NCLN: variants seen among roughly 807,000 people sequenced by gnomAD.
The protein encoded by NCLN is BOS complex subunit NCLN.
A neutral mutation model predicts 69.5 loss-of-function variants in NCLN; 34 were observed. The observed-to-expected ratio is 0.49, with a 90% CI of 0.37 to 0.65. The LOEUF is 0.65. Among genes scored for constraint, NCLN ranks in the 30% least tolerant of loss-of-function variants. The pLI is 0.00. For missense variants in NCLN, 710 were observed against 804.8 expected, an observed-to-expected ratio of 0.88 and a Z score of 1.42; for synonymous variants, 393 against 358.3, an observed-to-expected ratio of 1.10 and a Z score of -1.09.
intron 4 of NCLN, among the ~76,000 whole-genome samples, chr19:3,196,739 C>G (rs1360702327): frequency 6.6e-6 from 1 of 152,212 alleles, no homozygotes; most frequent in Non-Finnish European, 1.5e-5. Context: ...GCTGCCGGTG[C>G]GGAAGTAGCC....
intron 1 of NCLN, among the ~76,000 whole-genome samples, chr19:3,189,064 C>T (rs989308852): frequency 2.0e-5 from 3 of 152,252 alleles, no homozygotes; most frequent in African/African-American, 4.8e-5. Context: ...TCCCAACTTC[C>T]TTCCTGCTGC....
At chr19:3,192,418 C>A (rs1915848853) in intron 1 of NCLN, 52 bp from the exon 2 acceptor site, 15 of 1,466,548 alleles carry the variant, frequency 1.0e-5, no homozygotes, top group Non-Finnish European at 1.4e-5. Flanking sequence ...CTGTCCCCTC[C>A]CGTCGGCCTG....
At chr19:3,202,752 T>C (rs544280698) in intron 6 of NCLN, among the ~76,000 whole-genome samples, 3 of 50,062 alleles carry the variant, frequency 6.0e-5, no homozygotes, top group South Asian at 1.4e-3. Context: ...CCAAAACTTG[T>C]TTTTTTTTTT....
intron 10 of NCLN, 58 bp from the exon 11 acceptor site, chr19:3,206,093 CT>C (rs1355538113): frequency 3.2e-6 from 5 of 1,572,788 alleles, no homozygotes; most frequent in Admixed American, 1.8e-5. Context: ...GGCCCCACCC[CT>C]GGCCCCAGCC....
intron 6 of NCLN, among the ~76,000 whole-genome samples, chr19:3,203,457 C>T (rs1916177313): frequency 6.6e-6 from 1 of 152,182 alleles, no homozygotes; most frequent in South Asian, 2.1e-4. Context: ...GGTGGCCCTG[C>T]TGCCTGGAGA....
chr19:3,198,764 C>T (rs1014462137), intron 4 of NCLN, 53 bp from the exon 5 acceptor site: 114 of 1,477,810 alleles, frequency 7.7e-5, no homozygotes, highest in Non-Finnish European at 8.3e-5. Context: ...GCCCCACACA[C>T]GGGTCACCTG....
intron 6 of NCLN, among the ~76,000 whole-genome samples, chr19:3,202,192 A>G (rs949136557): frequency 1.1e-4 from 17 of 152,070 alleles, no homozygotes; most frequent in African/African-American, 3.9e-4. Context: ...GGCTGCACAC[A>G]TTGAAATCCA....
Position 3,198,862 on chromosome 19 carries a change from A to G in NCLN, c.661A>G (p.Ile221Val). 2 of 1,565,236 alleles carry G rather than the reference A, an allele frequency of 1.3e-6. No homozygotes were observed. The highest frequency in any genetic ancestry group is 1.7e-6 in the Non-Finnish European group (2 of 1,155,942). Residue 221 changes from isoleucine to valine, a missense_variant, in exon 5 of 15, where the codon ATC becomes GTC. By Grantham distance (29) the Ile-to-Val change is conservative (BLOSUM62 3). Coordinates refer to ENST00000246117, the MANE Select transcript of NCLN (RefSeq NM_020170.4). ...CGGAGAGGACCTTCCCACCATCGTC[A>G]TCGTGGCCCACTACGACGCCTTTGG... The part of the protein sequence containing the change: ...LGGEDLPTIV[I>V]VAHYDAFGVA...
intron 1 of NCLN, among the ~76,000 whole-genome samples, chr19:3,188,474 A>G (rs1888209238): frequency 6.6e-6 from 1 of 151,958 alleles, no homozygotes; most frequent in South Asian, 2.1e-4. Flanking sequence ...TGTTCTTCGC[A>G]GCCTCCTGAC....
intron 1 of NCLN, among the ~76,000 whole-genome samples, chr19:3,186,568 C>T (rs1365775647): frequency 6.6e-6 from 1 of 152,212 alleles, no homozygotes; most frequent in African/African-American, 2.4e-5. Flanking sequence ...GAGTTTCTCC[C>T]TCCTGGGCCC....
intron 4 of NCLN, among the ~76,000 whole-genome samples, chr19:3,198,533 A>C (rs557488908): frequency 8.7e-5 from 13 of 150,146 alleles, no homozygotes; most frequent in South Asian, 2.1e-4. Flanking sequence ...ACACAAACAA[A>C]AAAAAAAAAC....
chr19:3,194,338 A>C (rs954956413), intron 3 of NCLN, among the ~76,000 whole-genome samples: 2 of 152,152 alleles, frequency 1.3e-5, no homozygotes, highest in Admixed American at 1.3e-4. Flanking sequence ...AGCTGAGGTC[A>C]CACCATTGCA....
intron 5 of NCLN, among the ~76,000 whole-genome samples, chr19:3,200,512 A>G (rs1283480719): frequency 1.3e-5 from 2 of 150,920 alleles, no homozygotes; most frequent in East Asian, 2.0e-4. Context: ...GGGTTTCACC[A>G]TGTTGGCCAG....
intron 6 of NCLN, among the ~76,000 whole-genome samples, chr19:3,202,272 C>A (rs762706043): frequency 1.3e-5 from 2 of 152,180 alleles, no homozygotes; most frequent in African/African-American, 4.8e-5. Flanking sequence ...ATCCCGTCTA[C>A]CCCGTTGGGA....
intron 1 of NCLN, among the ~76,000 whole-genome samples, chr19:3,186,972 G>T (rs1915686246): frequency 2.0e-5 from 3 of 152,084 alleles, no homozygotes; most frequent in Non-Finnish European, 1.5e-5. Context: ...TTCAGAATCT[G>T]CTAGCCCAGC....
chr19:3,201,742 C>CAGGCCCACTT, intron 6 of NCLN, 116 bp downstream of exon 6: 1 of 864,074 alleles, frequency 1.2e-6, no homozygotes, highest in Non-Finnish European at 1.7e-6. Context: ...CAAAGTGGGC[C>CAGGCCCACTT]TGAGCCCAGG....
At chr19:3,201,734 A>C in intron 6 of NCLN, 108 bp downstream of exon 6, 3 of 952,266 alleles carry the variant, frequency 3.2e-6, no homozygotes, top group Non-Finnish European at 4.6e-6. Flanking sequence ...CCTGGCCCCA[A>C]AGTGGGCCTG....
chr19:3,198,724 C>T (rs1451168064), intron 4 of NCLN, 93 bp from the exon 5 acceptor site: 23 of 978,964 alleles, frequency 2.3e-5, no homozygotes, highest in Non-Finnish European at 2.7e-5. Flanking sequence ...CGGACGGGCC[C>T]CACGTGGCCC....
chr19:3,192,766 G>A, intron 2 of NCLN, 106 bp downstream of exon 2: 1 of 1,050,106 alleles, frequency 9.5e-7, no homozygotes. Flanking sequence ...GAGCCCTTTG[G>A]AAAGTAGGAT....
Sources: gnomAD v4.1 joint callset for allele counts (sites outside exome capture counted in the v4.1 genomes callset) on GRCh38, gnomAD v4.1.1 for gene constraint, MANE v1.5 for transcripts, NCBI Gene and HGNC (gene_info 2026-07-23, HGNC 2026-07-21) for gene names.